USH1C: variants seen among roughly 807,000 people sequenced by gnomAD.
The protein encoded by USH1C is harmonin.
A neutral mutation model predicts 119.3 loss-of-function variants in USH1C; 90 were observed. The ratio of observed to expected loss-of-function variants is 0.75; its 90% CI spans 0.64 to 0.90. The LOEUF (loss-of-function observed/expected upper bound fraction) is 0.90, where lower values mean the gene tolerates loss of function less well. Ranked by LOEUF, USH1C falls within the 40% of genes least tolerant of loss-of-function variation. USH1C has a pLI of 0.00. For synonymous variants in USH1C, 465 were observed against 443.3 expected, an observed-to-expected ratio of 1.05 and a Z score of -0.62; for missense variants, 1,165 against 1,167.7, an observed-to-expected ratio of 1.00 and a Z score of 0.03.
At chr11:17,533,346 A>T (rs781020055) in intron 1 of USH1C, 24 bp from the exon 2 acceptor site, 17 of 1,578,770 alleles carry the variant, frequency 1.1e-5, no homozygotes, top group Non-Finnish European at 1.5e-5. Context: ...TAGCAGAATC[A>T]CAGCTCCAGG....
intron 24 of USH1C, among the ~76,000 whole-genome samples, chr11:17,497,094 C>T (rs567001742): frequency 3.1e-4 from 47 of 152,346 alleles, no homozygotes; most frequent in Non-Finnish European, 5.6e-4. Context: ...CTCAGAATCA[C>T]TTGGGGGAAC....
intron 12 of USH1C, among the ~76,000 whole-genome samples, chr11:17,522,134 G>A (rs1188590371): frequency 6.6e-6 from 1 of 152,184 alleles, no homozygotes; most frequent in Non-Finnish European, 1.5e-5. Flanking sequence ...GTCCAGCCAT[G>A]AAATACTTTT....
intron 25 of USH1C, among the ~76,000 whole-genome samples, 182 bp downstream of exon 25, chr11:17,496,576 A>G (rs991371977): frequency 6.6e-6 from 1 of 152,232 alleles, no homozygotes; most frequent in Non-Finnish European, 1.5e-5. Flanking sequence ...CAGCTCAGAC[A>G]CTGCTTAAGG....
intron 11 of USH1C, 86 bp from the exon 12 acceptor site, chr11:17,523,012 G>C (rs1850488555): frequency 4.4e-6 from 7 of 1,595,420 alleles, no homozygotes; most frequent in Non-Finnish European, 6.0e-6. Flanking sequence ...GATGCAGGTG[G>C]TCTTCTCAGC....
intron 8 of USH1C, among the ~76,000 whole-genome samples, chr11:17,525,869 T>C (rs1167974975): frequency 2.0e-5 from 3 of 152,198 alleles, no homozygotes; most frequent in Non-Finnish European, 4.4e-5. Flanking sequence ...CCTAAAGGCC[T>C]GTCATGAAGT....
At chr11:17,500,216 C>T (rs559973763) in intron 23 of USH1C, among the ~76,000 whole-genome samples, 17 of 152,294 alleles carry the variant, frequency 1.1e-4, no homozygotes, top group Admixed American at 9.8e-4. Flanking sequence ...GGTATGGGGG[C>T]CTCTGGCCCT....
intron 15 of USH1C, among the ~76,000 whole-genome samples, chr11:17,514,222 T>G (rs1293642090): frequency 6.6e-6 from 1 of 152,128 alleles, no homozygotes; most frequent in Non-Finnish European, 1.5e-5. Context: ...TTTATATTAT[T>G]ATTATTATTT....
intron 12 of USH1C, among the ~76,000 whole-genome samples, chr11:17,522,248 C>A (rs537936383): frequency 2.0e-5 from 3 of 152,346 alleles, no homozygotes; most frequent in African/African-American, 7.2e-5. Context: ...TCCTCCTGGA[C>A]AAGGGTGAGC....
chr11:17,516,369 G>C (rs1456211329), intron 14 of USH1C, 79 bp from the exon 15 acceptor site: 1 of 1,426,086 alleles, frequency 7.0e-7, no homozygotes, highest in African/African-American at 1.4e-5. Context: ...TGGGAGCTGG[G>C]TTCCCAAGGA....
At chr11:17,517,338 CAGG>C in intron 14 of USH1C, 3 of 1,517,838 alleles carry the variant, frequency 2.0e-6, no homozygotes, top group Non-Finnish European at 2.7e-6. Context: ...GCACTGCGGT[CAGG>C]AGGAGGCGGG....
chr11:17,532,458 C>T lies in USH1C; in HGVS notation c.104+797G>A, dbSNP rs144583831. Among the ~76,000 whole-genome samples, 1,276 of 152,060 alleles carry T rather than the reference C, an allele frequency of 8.4e-3. 18 individuals carry two copies. The highest frequency in any genetic ancestry group is 0.029 in the African/African-American group (1,191 of 41,436). Reference sequence around the variant, plus strand: ...GACTACAGGCACGCGCCACCATACCCGGCTAATTTTTTGTATTTTTTTGTA... The same window carrying T: ...GACTACAGGCACGCGCCACCATACCTGGCTAATTTTTTGTATTTTTTTGTA... On this transcript the variant is annotated intron_variant, in intron 2 of 26. Transcript: ENST00000005226.
chr11:17,536,339 G>C (rs1851230518), intron 1 of USH1C, among the ~76,000 whole-genome samples: 1 of 152,186 alleles, frequency 6.6e-6, no homozygotes, highest in Non-Finnish European at 1.5e-5. Flanking sequence ...TCTTGCTGTA[G>C]CATTAGATTT....
intron 23 of USH1C, among the ~76,000 whole-genome samples, chr11:17,498,745 C>T (rs1849331629): frequency 1.3e-5 from 2 of 152,180 alleles, no homozygotes; most frequent in South Asian, 4.1e-4. Flanking sequence ...TTCTCTGACC[C>T]CCGCTCAGTC....
Position 17,527,228 on chromosome 11 carries a change from A to C in USH1C, c.491T>G (p.Val164Gly). The change falls in exon 5 of 27, where the codon GTG becomes GGG. Residue 164 changes from valine (V) to glycine (G), a missense_variant. Transcript: ENST00000005226. Reference sequence around the variant, plus strand: ...CCTGCTCTGGCCTCACTCACGTCTCACTTTGATGGACACAGTTTTCTTGGT... The same window carrying C: ...CCTGCTCTGGCCTCACTCACGTCTCCCTTTGATGGACACAGTTTTCTTGGT... ...IRTKKTVSIK[V>G]RHIGLIPVKS... 1 of 1,536,930 alleles carries C rather than the reference A, an allele frequency of 6.5e-7. No individual in the cohort carries two copies. Among genetic ancestry groups the C allele is most frequent in the Non-Finnish European group, 8.8e-7 (1 of 1,134,530 alleles).
Position 17,527,255 on chromosome 11 carries a change from C to G in USH1C, c.464G>C (p.Arg155Pro), listed in dbSNP as rs142730611. The G allele has an allele frequency of 1.8e-4, 284 of 1,608,568 alleles. 4 individuals are homozygous for G. The East Asian group carries it at 6.3e-3, about 36-fold the overall frequency. The change falls in exon 5 of 27, where the codon CGA becomes CCA. Residue 155 changes from arginine to proline, a missense_variant. Physicochemically the swap from Arg to Pro is moderately radical, Grantham distance 103. Transcript: ENST00000005226. ...TTTGATGGACACAGTTTTCTTGGTT[C>G]GAATGAGGTTGATGACCTCCTCATG... ...CTHEEVINLIRTKKTVSIKVR... is the reference protein window; with the variant it reads ...CTHEEVINLIPTKKTVSIKVR...
At chr11:17,539,689 T>C (rs557519489) in intron 1 of USH1C, among the ~76,000 whole-genome samples, 2 of 152,256 alleles carry the variant, frequency 1.3e-5, no homozygotes, top group South Asian at 4.2e-4. Flanking sequence ...ATCCCAGTGG[T>C]ACCAGGCTTT....
At chr11:17,535,730 G>T (rs1295692374) in intron 1 of USH1C, among the ~76,000 whole-genome samples, 1 of 152,190 alleles carries the variant, frequency 6.6e-6, no homozygotes, top group Non-Finnish European at 1.5e-5. Flanking sequence ...AATGCCCCAT[G>T]CGGTGGCACC....
chr11:17,512,726 C>G (rs1849949911), intron 15 of USH1C, among the ~76,000 whole-genome samples: 1 of 152,212 alleles, frequency 6.6e-6, no homozygotes, highest in Non-Finnish European at 1.5e-5. Flanking sequence ...CCTGGAGAGT[C>G]TAGACCCACA....
chr11:17,528,487 G>A (rs1850812971), intron 4 of USH1C, among the ~76,000 whole-genome samples: 1 of 152,254 alleles, frequency 6.6e-6, no homozygotes, highest in Non-Finnish European at 1.5e-5. Flanking sequence ...AACAGAGACT[G>A]GCTCCTGGAG....
Sources: gnomAD v4.1 joint callset for allele counts (sites outside exome capture counted in the v4.1 genomes callset) on GRCh38, gnomAD v4.1.1 for gene constraint, MANE v1.5 for transcripts, NCBI Gene and HGNC (gene_info 2026-07-23, HGNC 2026-07-21) for gene names.